DTNA: variants seen among roughly 807,000 people sequenced by gnomAD.
The protein encoded by DTNA is dystrophin-related protein 3.
DTNA carries 43 observed loss-of-function variants against 100.7 expected under a neutral mutation model. The observed-to-expected ratio is 0.43, with a 90% CI of 0.33 to 0.55. The LOEUF (loss-of-function observed/expected upper bound fraction) is 0.55, where lower values mean the gene tolerates loss of function less well. Ranked by LOEUF, DTNA falls within the 20% of genes least tolerant of loss-of-function variation. The pLI, the probability that DTNA is intolerant of heterozygous loss-of-function variation, is 0.04. For synonymous variants in DTNA, 349 were observed against 347.9 expected (o/e 1.00, Z -0.04); for missense variants, 798 against 953.9 (o/e 0.84, Z 2.15).
intron 1 of DTNA, among the ~76,000 whole-genome samples, chr18:34,661,330 C>T (rs1266911972): frequency 6.6e-6 from 1 of 152,172 alleles, no homozygotes; most frequent in Non-Finnish European, 1.5e-5. Context: ...CTCAACTTTG[C>T]CCATAAAACT....
At chr18:34,683,218 A>T (rs1219591557) in intron 1 of DTNA, among the ~76,000 whole-genome samples, 3 of 152,150 alleles carry the variant, frequency 2.0e-5, no homozygotes, top group Non-Finnish European at 4.4e-5. Flanking sequence ...TTATGATCTG[A>T]ACATTTCAAA....
intron 1 of DTNA, among the ~76,000 whole-genome samples, chr18:34,552,409 G>T (rs2045529606): frequency 6.6e-6 from 1 of 151,106 alleles, no homozygotes; most frequent in African/African-American, 2.4e-5. Context: ...TTAAGTTTTA[G>T]GGTACATGTG....
chr18:34,790,472 A>G (rs1210811015), intron 3 of DTNA, among the ~76,000 whole-genome samples: 1 of 145,314 alleles, frequency 6.9e-6, no homozygotes, highest in Non-Finnish European at 1.5e-5. Flanking sequence ...TGAAAAAAGA[A>G]AAGAAAGAAA....
chr18:34,857,299 C>T (rs192571803), intron 15 of DTNA, among the ~76,000 whole-genome samples: 5 of 152,328 alleles, frequency 3.3e-5, no homozygotes, highest in African/African-American at 1.2e-4. Flanking sequence ...GCGAAGCAGG[C>T]AGTTTTAAAT....
At chr18:34,507,542 A>G (rs2040610862) in intron 1 of DTNA, among the ~76,000 whole-genome samples, 1 of 152,196 alleles carries the variant, frequency 6.6e-6, no homozygotes, top group Non-Finnish European at 1.5e-5. Flanking sequence ...GCTTGAAACC[A>G]ATATGCTGAG....
At chr18:34,549,291 C>T (rs1407106185) in intron 1 of DTNA, among the ~76,000 whole-genome samples, 1 of 152,010 alleles carries the variant, frequency 6.6e-6, no homozygotes, top group African/African-American at 2.4e-5. Context: ...ACAAGGATTC[C>T]CTGTAGGTTA....
chr18:34,838,302 T>C, intron 12 of DTNA, 131 bp downstream of exon 12: 2 of 881,460 alleles, frequency 2.3e-6, no homozygotes, highest in Non-Finnish European at 3.6e-6. Flanking sequence ...TTTAACCCAG[T>C]TAACAGCACT....
chr18:34,843,719 A>G (rs1603163200), intron 13 of DTNA, among the ~76,000 whole-genome samples: 1 of 152,076 alleles, frequency 6.6e-6, no homozygotes, highest in Non-Finnish European at 1.5e-5. Context: ...GGGTATTCAT[A>G]TGCTTTAGCA....
intron 1 of DTNA, among the ~76,000 whole-genome samples, chr18:34,680,372 G>T (rs2077938134): frequency 6.6e-6 from 1 of 152,198 alleles, no homozygotes; most frequent in Non-Finnish European, 1.5e-5. Flanking sequence ...TGGAGAAAGT[G>T]AGTGGTGGTC....
At chr18:34,762,973 C>T (rs1325187211) in intron 2 of DTNA, among the ~76,000 whole-genome samples, 1 of 152,128 alleles carries the variant, frequency 6.6e-6, no homozygotes, top group Non-Finnish European at 1.5e-5. Flanking sequence ...CCGTATTTCC[C>T]CCAGGACTTC....
At chr18:34,631,344 T>C (rs1466363721) in intron 1 of DTNA, among the ~76,000 whole-genome samples, 3 of 152,202 alleles carry the variant, frequency 2.0e-5, no homozygotes, top group Admixed American at 6.5e-5. Context: ...TAGAAAGCCC[T>C]ATATAAGGAT....
At chr18:34,878,312 A>C (rs972063378) in intron 19 of DTNA, among the ~76,000 whole-genome samples, 2 of 152,176 alleles carry the variant, frequency 1.3e-5, no homozygotes, top group Non-Finnish European at 2.9e-5. Flanking sequence ...TTAAAAGACT[A>C]TTAACACATA....
chr18:34,786,455 C>A (rs796634334), intron 3 of DTNA, among the ~76,000 whole-genome samples: 8 of 152,138 alleles, frequency 5.3e-5, no homozygotes, highest in African/African-American at 1.7e-4. Flanking sequence ...GAACTGAATG[C>A]ATTTTCAGGA....
intron 1 of DTNA, among the ~76,000 whole-genome samples, chr18:34,534,328 T>A (rs1332959902): frequency 6.6e-6 from 1 of 152,086 alleles, no homozygotes; most frequent in Non-Finnish European, 1.5e-5. Context: ...AATAGTATTT[T>A]TTAATAATAT....
intron 1 of DTNA, among the ~76,000 whole-genome samples, chr18:34,592,925 G>C (rs932850394): frequency 6.6e-6 from 1 of 152,146 alleles, no homozygotes; most frequent in Non-Finnish European, 1.5e-5. Flanking sequence ...GTGTACCTGG[G>C]AAGTTATTCA....
intron 11 of DTNA, among the ~76,000 whole-genome samples, chr18:34,831,481 T>C (rs1020925628): frequency 1.3e-5 from 2 of 152,212 alleles, no homozygotes; most frequent in African/African-American, 4.8e-5. Flanking sequence ...CATATTGTAT[T>C]AGATGGCCGG....
chr18:34,598,485 A>G (rs998276444), intron 1 of DTNA, among the ~76,000 whole-genome samples: 2 of 152,240 alleles, frequency 1.3e-5, no homozygotes, highest in Non-Finnish European at 2.9e-5. Flanking sequence ...GTTGTTTTCA[A>G]ATCACAGTGT....
intron 1 of DTNA, among the ~76,000 whole-genome samples, chr18:34,651,246 A>G (rs2060405799): frequency 2.0e-5 from 3 of 152,316 alleles, no homozygotes; most frequent in East Asian, 1.9e-4. Flanking sequence ...TTAATGTATA[A>G]TTGCATTTAT....
chr18:34,543,544 T>C (rs544807271), intron 1 of DTNA, among the ~76,000 whole-genome samples: 1 of 152,198 alleles, frequency 6.6e-6, no homozygotes, highest in South Asian at 2.1e-4. Context: ...TCATGGATGT[T>C]AAACAGCATG....
Sources: gnomAD v4.1 joint callset for allele counts (sites outside exome capture counted in the v4.1 genomes callset) on GRCh38, gnomAD v4.1.1 for gene constraint, MANE v1.5 for transcripts, NCBI Gene and HGNC (gene_info 2026-07-23, HGNC 2026-07-21) for gene names.